CATSPERB: variants seen among roughly 807,000 people sequenced by gnomAD.
The protein encoded by CATSPERB is catsper channel auxiliary subunit beta.
A neutral mutation model predicts 128.3 loss-of-function variants in CATSPERB; 93 were observed. The ratio of observed to expected loss-of-function variants is 0.72; its 90% CI spans 0.61 to 0.86. The LOEUF (loss-of-function observed/expected upper bound fraction) is 0.86. Ranked by LOEUF, CATSPERB falls within the 40% of genes least tolerant of loss-of-function variation. CATSPERB has a pLI of 0.00. For missense variants in CATSPERB, 1,153 were observed against 1,329.5 expected (o/e 0.87, Z 2.06); for synonymous variants, 381 against 448.8 (o/e 0.85, Z 1.91).
At chr14:91,631,019 C>T (rs1184122558) in intron 17 of CATSPERB, among the ~76,000 whole-genome samples, 2 of 152,214 alleles carry the variant, frequency 1.3e-5, no homozygotes, top group African/African-American at 4.8e-5. Context: ...CTGGAAAGCT[C>T]TTTCATTGGC....
intron 6 of CATSPERB, among the ~76,000 whole-genome samples, chr14:91,705,032 C>T (rs1283748081): frequency 6.6e-6 from 1 of 152,048 alleles, no homozygotes; most frequent in African/African-American, 2.4e-5. Context: ...ACAGAATACG[C>T]ACATTTATAA....
chr14:91,660,575 A>G (rs1487218077), intron 14 of CATSPERB, among the ~76,000 whole-genome samples: 1 of 152,202 alleles, frequency 6.6e-6, no homozygotes, highest in African/African-American at 2.4e-5. Flanking sequence ...GATAAAACAG[A>G]TCAATTCTGT....
At chr14:91,650,327 A>T (rs1476668595) in intron 15 of CATSPERB, among the ~76,000 whole-genome samples, 3 of 152,236 alleles carry the variant, frequency 2.0e-5, no homozygotes, top group Non-Finnish European at 4.4e-5. Flanking sequence ...AAGAAAATAA[A>T]GCAATAGGAC....
intron 1 of CATSPERB, 97 bp from the exon 2 acceptor site, chr14:91,729,576 T>G (rs1896179847): frequency 1.7e-6 from 1 of 579,428 alleles, no homozygotes. Context: ...AGAAATAATC[T>G]CAATATTCTT....
At chr14:91,708,350 T>A in intron 5 of CATSPERB, 114 bp from the exon 6 acceptor site, 1 of 649,902 alleles carries the variant, frequency 1.5e-6, no homozygotes, top group East Asian at 2.9e-5. Context: ...TCCAACCATT[T>A]TGTTGGTATT....
chr14:91,641,228 C>T (rs906955176), intron 15 of CATSPERB, among the ~76,000 whole-genome samples: 3 of 150,530 alleles, frequency 2.0e-5, no homozygotes, highest in South Asian at 2.1e-4. Context: ...TGTGCAGAAG[C>T]TCTTTAGTTT....
Position 91,691,512 on chromosome 14 carries a change from A to G in CATSPERB, c.864+11T>C. 1 of 1,590,394 alleles carries G rather than the reference A, an allele frequency of 6.3e-7. No individual in the cohort carries two copies. Among genetic ancestry groups the G allele is most frequent in the African/African-American group, 1.3e-5 (1 of 74,102 alleles). On this transcript the variant is annotated intron_variant, in intron 10 of 26. Transcript: ENST00000256343. ...CTTCTAACCAGCCCTGGGAAATATA[A>G]AGCTTCTTACCCTTTCAAAACCACA...
At chr14:91,716,947 T>C (rs1346373424) in intron 5 of CATSPERB, among the ~76,000 whole-genome samples, 2 of 152,228 alleles carry the variant, frequency 1.3e-5, no homozygotes, top group Non-Finnish European at 2.9e-5. Context: ...CAAAAACCTG[T>C]ATGAGATTGT....
chr14:91,638,439 C>G (rs540614838), intron 16 of CATSPERB, among the ~76,000 whole-genome samples: 1 of 151,618 alleles, frequency 6.6e-6, no homozygotes, highest in East Asian at 1.9e-4. Flanking sequence ...CTCTGTTGCC[C>G]AAACTGGAGT....
chr14:91,654,731 A>G lies in CATSPERB; in HGVS notation c.1432+5106T>C, dbSNP rs1432307342. On this transcript the variant is annotated intron_variant, in intron 15 of 26. Transcript: ENST00000256343. ...TGGCTGGACTCATCACCTGCTGATT[A>G]TAGAGCTCTTGGGCCTAGAGTGAAC... is the stretch of plus-strand genomic sequence containing the variant. 2.6e-5 allele frequency among the ~76,000 whole-genome samples: 4 copies of G among 152,158 alleles called. No individual in the cohort carries two copies. In the East Asian group the frequency reaches 7.7e-4, roughly 29 times the overall value.
At chr14:91,609,941 G>A (rs975866481) in intron 21 of CATSPERB, among the ~76,000 whole-genome samples, 1 of 151,942 alleles carries the variant, frequency 6.6e-6, no homozygotes, top group African/African-American at 2.4e-5. Flanking sequence ...GGTTGGTCTC[G>A]ATACCCTGAC....
chr14:91,684,627 T>A (rs1425631324), intron 10 of CATSPERB, among the ~76,000 whole-genome samples: 17 of 147,484 alleles, frequency 1.2e-4, no homozygotes, highest in East Asian at 3.9e-4. Context: ...TTTTTTTTTT[T>A]AAATTGAGAA....
intron 21 of CATSPERB, among the ~76,000 whole-genome samples, chr14:91,609,011 A>G (rs1388181722): frequency 1.3e-5 from 2 of 152,226 alleles, no homozygotes; most frequent in Non-Finnish European, 2.9e-5. Flanking sequence ...TGTATGTAAT[A>G]TGTATTATAT....
intron 17 of CATSPERB, among the ~76,000 whole-genome samples, chr14:91,628,287 G>A (rs192195143): frequency 2.0e-5 from 3 of 152,062 alleles, no homozygotes; most frequent in Admixed American, 6.6e-5. Flanking sequence ...GGCATAATCT[G>A]ATCTCCTACA....
rs182795635 is a variant in CATSPERB at position 91,597,086 on chromosome 14, T to C, written c.2710-5084A>G. Among the ~76,000 whole-genome samples the C allele has an allele frequency of 6.6e-3, 1,006 of 151,474 alleles. 11 individuals carry two copies. Among genetic ancestry groups the C allele is most frequent in the African/African-American group, 0.022 (910 of 41,210 alleles). ...TTTTTTGTATTTTTAGTAGAGACAGTGTTTCACCGTGTCAGCCAGGATGGT... is the reference window on the plus strand; with the variant it reads ...TTTTTTGTATTTTTAGTAGAGACAGCGTTTCACCGTGTCAGCCAGGATGGT... On this transcript the variant is annotated intron_variant, in intron 22 of 26. Coordinates refer to ENST00000256343, the MANE Select transcript of CATSPERB (RefSeq NM_024764.4).
intron 20 of CATSPERB, among the ~76,000 whole-genome samples, chr14:91,612,137 T>C (rs965844267): frequency 2.0e-5 from 3 of 151,662 alleles, no homozygotes; most frequent in African/African-American, 4.8e-5. Context: ...ATAGCTTACT[T>C]CAGGCTTGAA....
At chr14:91,728,814 A>G (rs150986878) in intron 2 of CATSPERB, among the ~76,000 whole-genome samples, 131 of 152,344 alleles carry the variant, frequency 8.6e-4, no homozygotes, top group Non-Finnish European at 1.5e-3. Flanking sequence ...TCTGACTACC[A>G]TAAAAATCCA....
At chr14:91,720,070 A>T (rs1219357343) in intron 4 of CATSPERB, among the ~76,000 whole-genome samples, 4 of 152,160 alleles carry the variant, frequency 2.6e-5, no homozygotes, top group Non-Finnish European at 4.4e-5. Context: ...TCTTTTGAAG[A>T]AATAATGGCT....
chr14:91,667,823 C>G (rs1330123008), intron 14 of CATSPERB, among the ~76,000 whole-genome samples: 1 of 152,242 alleles, frequency 6.6e-6, no homozygotes, highest in Non-Finnish European at 1.5e-5. Flanking sequence ...ATACCAACCT[C>G]TGGAGTTGGG....
Sources: allele counts gnomAD v4.1 joint callset (sites outside exome capture counted in the v4.1 genomes callset), GRCh38; gene constraint gnomAD v4.1.1; transcripts MANE v1.5; gene names NCBI Gene and HGNC (gene_info 2026-07-23, HGNC 2026-07-21).